Variants in FBN2 observed in about 807,000 individuals in gnomAD.
FBN2 encodes fibrillin 2, also known as fibrillin-2.
In FBN2, 105 loss-of-function variants were observed where a neutral mutation model predicts 355.6. The ratio of observed to expected loss-of-function variants is 0.30; its 90% CI spans 0.25 to 0.35. The LOEUF (loss-of-function observed/expected upper bound fraction) is 0.35, where lower values mean the gene tolerates loss of function less well. Among genes scored for constraint, FBN2 ranks in the 10% least tolerant of loss-of-function variants. FBN2 has a pLI of 1.00. For missense variants in FBN2, 3,280 were observed against 3,758.7 expected (o/e 0.87, Z 3.33); for synonymous variants, 1,350 against 1,301.2 (o/e 1.04, Z -0.81).
At chr5:128,274,809 T>C in intron 59 of FBN2, 126 bp from the exon 60 acceptor site, 1 of 728,454 alleles carries the variant, frequency 1.4e-6, no homozygotes, top group South Asian at 1.5e-5. Flanking sequence ...GCTGGAAGCT[T>C]CGTAGATTTC....
intron 8 of FBN2, among the ~76,000 whole-genome samples, chr5:128,397,832 A>G (rs1329659213): frequency 6.6e-6 from 1 of 152,138 alleles, no homozygotes; most frequent in Admixed American, 6.5e-5. Flanking sequence ...ATAGTTTCAC[A>G]GTGCCCGGGG....
chr5:128,423,708 G>C (rs1215323686), intron 7 of FBN2, among the ~76,000 whole-genome samples: 4 of 152,024 alleles, frequency 2.6e-5, no homozygotes, highest in African/African-American at 9.7e-5. Flanking sequence ...TGATCAGGCA[G>C]GAACTTTATC....
Position 128,338,022 on chromosome 5 carries a change from C to T in FBN2, c.3573G>A (p.Leu1191=). ...FQCDCPLGHE[L]SPSREDCVDI... is the part of the protein sequence containing the mutation. ...CCACACAGTCCTCACGGGATGGTGACAGCTCGTGTCCCAGTGGGCAGTCAC... is the reference window on the plus strand; with the variant it reads ...CCACACAGTCCTCACGGGATGGTGATAGCTCGTGTCCCAGTGGGCAGTCAC... The change falls in exon 27 of 65, where the codon CTG becomes CTA. Residue 1191 remains leucine (L), a synonymous_variant. Coordinates refer to ENST00000262464, the MANE Select transcript of FBN2 (RefSeq NM_001999.4). The T allele has an allele frequency of 1.2e-6, 2 of 1,614,166 alleles. No homozygotes were observed. Among genetic ancestry groups the T allele is most frequent in the Non-Finnish European group, 1.7e-6 (2 of 1,180,000 alleles).
At chr5:128,405,502 CT>C (rs1417946783) in intron 8 of FBN2, among the ~76,000 whole-genome samples, 1 of 152,140 alleles carries the variant, frequency 6.6e-6, no homozygotes, top group African/African-American at 2.4e-5. Flanking sequence ...AAACTCTCCT[CT>C]AAGAAAACCC....
intron 6 of FBN2, among the ~76,000 whole-genome samples, chr5:128,455,124 T>C (rs1022831447): frequency 6.6e-6 from 1 of 151,930 alleles, no homozygotes; most frequent in Non-Finnish European, 1.5e-5. Flanking sequence ...CTAATTAGAG[T>C]AGGTTCATGA....
chr5:128,457,085 A>G (rs951843323), intron 6 of FBN2, among the ~76,000 whole-genome samples: 2 of 152,202 alleles, frequency 1.3e-5, no homozygotes, highest in Non-Finnish European at 2.9e-5. Flanking sequence ...TAACTAGAAT[A>G]ACCAGTTTAG....
At chr5:128,286,517 T>A (rs1025969590) in intron 55 of FBN2, among the ~76,000 whole-genome samples, 2 of 152,264 alleles carry the variant, frequency 1.3e-5, no homozygotes, top group Non-Finnish European at 2.9e-5. Context: ...AGGGCATGTA[T>A]TCTTGAGCAG....
At chr5:128,393,496 C>A in intron 9 of FBN2, 128 bp from the exon 10 acceptor site, 1 of 733,054 alleles carries the variant, frequency 1.4e-6, no homozygotes, top group Non-Finnish European at 2.4e-6. Flanking sequence ...AGGTTACTAT[C>A]TCAATACATG....
intron 36 of FBN2, among the ~76,000 whole-genome samples, chr5:128,313,977 C>G (rs940733292): frequency 1.3e-5 from 2 of 150,452 alleles, no homozygotes; most frequent in African/African-American, 4.9e-5. Flanking sequence ...ATCCCTTTAC[C>G]TAGTCTAATG....
intron 5 of FBN2, among the ~76,000 whole-genome samples, chr5:128,500,490 C>T (rs1249616134): frequency 2.9e-5 from 4 of 139,362 alleles, no homozygotes; most frequent in Admixed American, 7.4e-5. Flanking sequence ...CCACCCAGGC[C>T]GGACTGCTGT....
Position 128,528,028 on chromosome 5 carries a change from A to G in FBN2, c.437-61T>C, listed in dbSNP as rs1204680543. ...AGTCATCAAAATTATAGTATATGTG[A>G]GAGGTTATAAAACTATAAACTCAAT... is the stretch of plus-strand genomic sequence containing the variant. On this transcript the variant is annotated intron_variant, in intron 3 of 64. Coordinates refer to ENST00000262464, the MANE Select transcript of FBN2 (RefSeq NM_001999.4). The G allele has an allele frequency of 1.2e-5, 13 of 1,088,248 alleles. No homozygotes were observed. The Admixed American group carries it at 1.4e-4, about 12-fold the overall frequency. The allele number at this position is 1,088,248 out of a possible 1,614,324, so 67.4% of individuals were successfully genotyped here. A position where few individuals can be genotyped will look rare whatever the true frequency, so the allele number is the denominator to read the frequency against.
At chr5:128,269,827 C>T (rs1296073726) in intron 62 of FBN2, among the ~76,000 whole-genome samples, 1 of 151,892 alleles carries the variant, frequency 6.6e-6, no homozygotes, top group Non-Finnish European at 1.5e-5. Context: ...AGATTCAATG[C>T]TATTCCCATC....
At chr5:128,519,428 G>A in intron 4 of FBN2, 60 bp from the exon 5 acceptor site, 1 of 1,197,058 alleles carries the variant, frequency 8.4e-7, no homozygotes, top group Non-Finnish European at 1.2e-6. Flanking sequence ...CAATATAGTA[G>A]TGCAGTGATG....
At chr5:128,491,020 T>C (rs1428629535) in intron 5 of FBN2, among the ~76,000 whole-genome samples, 2 of 151,970 alleles carry the variant, frequency 1.3e-5, no homozygotes, top group African/African-American at 4.8e-5. Context: ...GCCTTCATCA[T>C]ATGTAATTTT....
chr5:128,504,086 G>A (rs1048569042), intron 5 of FBN2, among the ~76,000 whole-genome samples: 2 of 152,204 alleles, frequency 1.3e-5, no homozygotes, highest in African/African-American at 2.4e-5. Flanking sequence ...AAACCTTGGT[G>A]GCTTCCACAT....
Position 128,448,469 on chromosome 5 carries a change from G to A in FBN2, c.827-1863C>T, listed in dbSNP as rs187802905. On this transcript the variant is annotated intron_variant, in intron 6 of 64. Transcript: ENST00000262464. ...ATTACAGGCATGCACCACCACGCCC[G>A]GCTAATTTTGTATTTTTAGTAGAGA... is the stretch of plus-strand genomic sequence containing the variant. Among the ~76,000 whole-genome samples the A allele has an allele frequency of 3.6e-3, 551 of 151,792 alleles. 1 individual carries two copies. Among genetic ancestry groups the A allele is most frequent in the Non-Finnish European group, 6.2e-3 (423 of 67,884 alleles).
chr5:128,395,041 C>T (rs571469189), intron 9 of FBN2, 81 bp downstream of exon 9: 578 of 1,525,012 alleles, frequency 3.8e-4, no homozygotes, highest in South Asian at 7.1e-4. Flanking sequence ...CTGCCTTGGT[C>T]TCCCAGAGAG....
intron 5 of FBN2, among the ~76,000 whole-genome samples, chr5:128,505,022 A>G (rs182862142): frequency 2.0e-4 from 30 of 152,294 alleles, no homozygotes; most frequent in African/African-American, 7.0e-4. Flanking sequence ...TGATGGTTTT[A>G]CAAAGGGGTT....
intron 5 of FBN2, among the ~76,000 whole-genome samples, chr5:128,467,143 T>G (rs1858079): frequency 1.3e-5 from 2 of 151,832 alleles, no homozygotes; most frequent in African/African-American, 4.8e-5. Context: ...CATTCCTTCT[T>G]CTAACTACAC....
Sources: gnomAD v4.1 joint callset for allele counts (sites outside exome capture counted in the v4.1 genomes callset) on GRCh38, gnomAD v4.1.1 for gene constraint, MANE v1.5 for transcripts, NCBI Gene and HGNC (gene_info 2026-07-23, HGNC 2026-07-21) for gene names.